GALNT10: variants seen among roughly 807,000 people sequenced by gnomAD.
GALNT10 encodes GalNAc transferase 10.
GALNT10 carries 41 observed loss-of-function variants against 75.0 expected under a neutral mutation model. That is an observed-to-expected ratio of 0.55 (90% CI 0.43 to 0.71). The LOEUF (loss-of-function observed/expected upper bound fraction) is 0.71, where lower values mean the gene tolerates loss of function less well. GALNT10 is among the 30% of genes least tolerant of loss of function. GALNT10 has a pLI of 0.00. For synonymous variants in GALNT10, 302 were observed against 313.0 expected, an observed-to-expected ratio of 0.96 and a Z score of 0.37; for missense variants, 727 against 818.5, an observed-to-expected ratio of 0.89 and a Z score of 1.36.
At chr5:154,201,818 C>T (rs556678025) in intron 1 of GALNT10, among the ~76,000 whole-genome samples, 118 of 152,110 alleles carry the variant, frequency 7.8e-4, no homozygotes, top group Non-Finnish European at 1.5e-3. Flanking sequence ...AATCCCAGCT[C>T]CTCAGCAGGC....
chr5:154,384,260 C>A (rs1755775616), intron 6 of GALNT10, among the ~76,000 whole-genome samples: 1 of 152,142 alleles, frequency 6.6e-6, no homozygotes, highest in Non-Finnish European at 1.5e-5. Context: ...GTATAGCTAT[C>A]ACTCCATTGT....
At chr5:154,364,995 G>C (rs993088196) in intron 4 of GALNT10, among the ~76,000 whole-genome samples, 2 of 152,162 alleles carry the variant, frequency 1.3e-5, no homozygotes, top group Non-Finnish European at 1.5e-5. Context: ...TTTATTCGTC[G>C]TCTGATTATT....
At chr5:154,341,178 A>T (rs1305498483) in intron 4 of GALNT10, among the ~76,000 whole-genome samples, 1 of 152,224 alleles carries the variant, frequency 6.6e-6, no homozygotes, top group African/African-American at 2.4e-5. Context: ...GTATTCACAG[A>T]TGCAGGCTGC....
chr5:154,403,850 A>G, intron 7 of GALNT10: 1 of 509,236 alleles, frequency 2.0e-6, no homozygotes. Context: ...AGGTTTTCTG[A>G]TGAGGCTTAA....
chr5:154,390,584 G>GT (rs899014169), intron 7 of GALNT10, among the ~76,000 whole-genome samples: 7 of 152,082 alleles, frequency 4.6e-5, no homozygotes, highest in Non-Finnish European at 7.4e-5. Context: ...TAAAAGCTTC[G>GT]TTTTTTTTCT....
chr5:154,232,584 T>C (rs1753165713), intron 1 of GALNT10, among the ~76,000 whole-genome samples: 1 of 152,158 alleles, frequency 6.6e-6, no homozygotes, highest in African/African-American at 2.4e-5. Flanking sequence ...GGGAGGAGGT[T>C]AGAAAAGGTT....
chr5:154,405,193 C>T (rs571094042), intron 8 of GALNT10, among the ~76,000 whole-genome samples: 29 of 152,302 alleles, frequency 1.9e-4, no homozygotes, highest in African/African-American at 7.0e-4. Context: ...GCTGCCTCCT[C>T]CTCCACTTGA....
chr5:154,305,449 T>A (rs1489141885), intron 3 of GALNT10, among the ~76,000 whole-genome samples: 1 of 152,170 alleles, frequency 6.6e-6, no homozygotes, highest in Admixed American at 6.5e-5. Flanking sequence ...AAGATTCAAA[T>A]ACATGCTCCC....
At chr5:154,198,709 T>G (rs1774982451) in intron 1 of GALNT10, among the ~76,000 whole-genome samples, 1 of 152,210 alleles carries the variant, frequency 6.6e-6, no homozygotes, top group Non-Finnish European at 1.5e-5. Flanking sequence ...CCTTCTAGAT[T>G]CAGCTCATAG....
At chr5:154,297,919 C>T in intron 2 of GALNT10, 22 bp from the exon 3 acceptor site, 6 of 1,608,432 alleles carry the variant, frequency 3.7e-6, no homozygotes, top group Non-Finnish European at 4.3e-6. Context: ...TTAGCAACAT[C>T]GAATTTGCTC....
chr5:154,318,474 G>A (rs1253807582), intron 3 of GALNT10, among the ~76,000 whole-genome samples: 1 of 151,902 alleles, frequency 6.6e-6, no homozygotes, highest in Non-Finnish European at 1.5e-5. Flanking sequence ...AGACAGATGG[G>A]TTTAAATCTG....
chr5:154,303,125 G>T (rs181612648), intron 3 of GALNT10, among the ~76,000 whole-genome samples: 2 of 152,114 alleles, frequency 1.3e-5, no homozygotes, highest in Non-Finnish European at 2.9e-5. Context: ...AAAAAAAAAG[G>T]CCAGGCAAAA....
intron 4 of GALNT10, among the ~76,000 whole-genome samples, chr5:154,365,419 C>T (rs1755460769): frequency 6.6e-6 from 1 of 152,148 alleles, no homozygotes; most frequent in African/African-American, 2.4e-5. Context: ...GAGAAATAAA[C>T]TTAACATGTT....
At chr5:154,290,375 T>C (rs968738519) in intron 1 of GALNT10, among the ~76,000 whole-genome samples, 3 of 150,952 alleles carry the variant, frequency 2.0e-5, no homozygotes, top group Non-Finnish European at 1.5e-5. Flanking sequence ...TTCCAAAGTA[T>C]TGGGATTACA....
chr5:154,400,360 C>T (rs1756133719), intron 7 of GALNT10, among the ~76,000 whole-genome samples: 1 of 152,144 alleles, frequency 6.6e-6, no homozygotes, highest in Non-Finnish European at 1.5e-5. Context: ...CTGGCAGCTG[C>T]AGTGTGTTGT....
intron 4 of GALNT10, among the ~76,000 whole-genome samples, chr5:154,363,966 G>T (rs1259396896): frequency 2.0e-5 from 3 of 152,194 alleles, no homozygotes; most frequent in Admixed American, 6.5e-5. Flanking sequence ...TGCCCCTACA[G>T]TATGCCAGGT....
At chr5:154,256,892 T>G (rs1184776686) in intron 1 of GALNT10, among the ~76,000 whole-genome samples, 1 of 152,128 alleles carries the variant, frequency 6.6e-6, no homozygotes, top group East Asian at 1.9e-4. Flanking sequence ...ATTCTTTTGA[T>G]TGGGCAGTGC....
At chr5:154,315,535 CT>C (rs1372995064) in intron 3 of GALNT10, among the ~76,000 whole-genome samples, 1 of 152,256 alleles carries the variant, frequency 6.6e-6, no homozygotes, top group Non-Finnish European at 1.5e-5. Flanking sequence ...CTGTGACATT[CT>C]TTCCATACAT....
intron 1 of GALNT10, among the ~76,000 whole-genome samples, chr5:154,211,665 A>G (rs4958714): frequency 1.3e-5 from 2 of 152,186 alleles, no homozygotes; most frequent in Non-Finnish European, 1.5e-5. Context: ...AGTGTCTCTC[A>G]TGAGGTCGCT....
Sources: allele counts gnomAD v4.1 joint callset (sites outside exome capture counted in the v4.1 genomes callset), GRCh38; gene constraint gnomAD v4.1.1; transcripts MANE v1.5; gene names NCBI Gene and HGNC (gene_info 2026-07-23, HGNC 2026-07-21).